The following CDKN2B-AS1 variants were observed in gnomAD, a reference collection of about 807,000 sequenced individuals.
CDKN2B-AS1 encodes CDKN2B antisense RNA 1 (non-protein coding).
intron 4 of CDKN2B-AS1, among the ~76,000 whole-genome samples, chr9:22,084,150 A>C (rs1824789836): frequency 6.6e-6 from 1 of 152,148 alleles, no homozygotes; most frequent in South Asian, 2.1e-4. Context: ...TTTTAGATGA[A>C]GAGATTTAGG....
chr9:22,009,182 G>A (rs890615012), intron 1 of CDKN2B-AS1: 2 of 645,614 alleles, frequency 3.1e-6, no homozygotes. Flanking sequence ...GAACCAGCGG[G>A]CGCGCCTGGA....
chr9:22,105,585 AAG>A lies in CDKN2B-AS1; in HGVS notation n.439-21512_439-21511del, dbSNP rs141403575. 8.8e-3 allele frequency among the ~76,000 whole-genome samples: 1,346 copies of A among 152,248 alleles called. 109 individuals are homozygous for A. In the East Asian group the frequency reaches 0.19, roughly 21 times the overall value. ...AGTCCTTTGAAAGTGTATGTCTGAAAAGAGAGACTCAGGCAGATGCTATATTG... is the reference window on the plus strand; with the variant it reads ...AGTCCTTTGAAAGTGTATGTCTGAAAAGAGACTCAGGCAGATGCTATATTG... On this transcript the variant is annotated intron_variant and non_coding_transcript_variant, in intron 4 of 4. Coordinates refer to ENST00000650946, the Ensembl canonical transcript of CDKN2B-AS1.
At chr9:22,083,484 A>G (rs931557202) in intron 4 of CDKN2B-AS1, among the ~76,000 whole-genome samples, 8 of 152,234 alleles carry the variant, frequency 5.3e-5, no homozygotes, top group East Asian at 3.8e-4. Context: ...CCAAATCTCA[A>G]TGAGTAGCCA....
intron 1 of CDKN2B-AS1, chr9:22,029,429 GC>G (rs757266307): frequency 1.2e-5 from 9 of 779,274 alleles, no homozygotes; most frequent in Non-Finnish European, 2.2e-5. Flanking sequence ...TGGATGTTTT[GC>G]AGGACTATTT....
Sources: gnomAD v4.1 joint callset for allele counts (sites outside exome capture counted in the v4.1 genomes callset) on GRCh38, gnomAD v4.1.1 for gene constraint, MANE v1.5 for transcripts, NCBI Gene and HGNC (gene_info 2026-07-23, HGNC 2026-07-21) for gene names.